The following PCDH15 variants were observed in gnomAD, a reference collection of about 807,000 sequenced individuals.
PCDH15 encodes the protein protocadherin related 15, also known as protocadherin-15.
A neutral mutation model predicts 178.5 loss-of-function variants in PCDH15; 129 were observed. That is an observed-to-expected ratio of 0.72 (90% CI 0.63 to 0.84). The LOEUF is 0.84. Among genes scored for constraint, PCDH15 ranks in the 40% least tolerant of loss-of-function variants. The pLI, the probability that PCDH15 is intolerant of heterozygous loss-of-function variation, is 0.00. For synonymous variants in PCDH15, 800 were observed against 732.0 expected, an observed-to-expected ratio of 1.09 and a Z score of -1.50; for missense variants, 2,230 against 2,099.9, an observed-to-expected ratio of 1.06 and a Z score of -1.21.
intron 28 of PCDH15, among the ~76,000 whole-genome samples, chr10:53,856,932 G>T (rs1399652675): frequency 6.6e-6 from 1 of 151,930 alleles, no homozygotes; most frequent in Non-Finnish European, 1.5e-5. Context: ...GAAAATAATA[G>T]ACACTGAGGG....
At chr10:54,471,883 C>T (rs1399582569) in intron 3 of PCDH15, among the ~76,000 whole-genome samples, 1 of 151,996 alleles carries the variant, frequency 6.6e-6, no homozygotes, top group East Asian at 1.9e-4. Context: ...TTTTAAACAT[C>T]TTTTTTTCAA....
At chr10:54,422,916 T>C (rs1955731771) in intron 3 of PCDH15, among the ~76,000 whole-genome samples, 1 of 152,094 alleles carries the variant, frequency 6.6e-6, no homozygotes, top group Admixed American at 6.6e-5. Context: ...AGAAAACGTA[T>C]TAAGCAGCAA....
chr10:55,445,407 C>A (rs958300639), intron 2 of PCDH15, among the ~76,000 whole-genome samples: 3 of 152,054 alleles, frequency 2.0e-5, no homozygotes, highest in Non-Finnish European at 4.4e-5. Context: ...TCAGTTCAAC[C>A]TTGTTTGTAT....
intron 3 of PCDH15, among the ~76,000 whole-genome samples, chr10:54,882,122 T>A (rs149839866): frequency 2.1e-3 from 321 of 152,184 alleles, no homozygotes; most frequent in African/African-American, 7.2e-3. Context: ...TATTTTAGCA[T>A]GAAACAATAG....
intron 10 of PCDH15, among the ~76,000 whole-genome samples, chr10:54,202,789 G>A (rs1725977122): frequency 7.6e-6 from 1 of 131,518 alleles, no homozygotes; most frequent in African/African-American, 2.8e-5. Context: ...TCCAGCCTGA[G>A]CAACAAGAGC....
chr10:53,849,275 C>CT (rs1314734263), intron 28 of PCDH15, among the ~76,000 whole-genome samples: 9 of 151,546 alleles, frequency 5.9e-5, no homozygotes, highest in East Asian at 5.8e-4. Context: ...AATATGATTT[C>CT]TTTTTTTTAT....
intron 21 of PCDH15, among the ~76,000 whole-genome samples, chr10:53,984,148 C>CTTTTTTTTTTTTTTTTT (rs66540462): frequency 3.1e-5 from 2 of 63,560 alleles, no homozygotes; most frequent in African/African-American, 1.1e-4. Flanking sequence ...TTTTTCTTTT[C>CTTTTTTTTTTTTTTTTT]TTTTTTTTTT....
chr10:54,065,528 G>A (rs1245979164), intron 18 of PCDH15, among the ~76,000 whole-genome samples: 1 of 152,204 alleles, frequency 6.6e-6, no homozygotes, highest in Non-Finnish European at 1.5e-5. Flanking sequence ...CCTTCAGATG[G>A]GATGCTGGAG....
At chr10:55,117,053 TAC>T (rs1371784168) in intron 2 of PCDH15, among the ~76,000 whole-genome samples, 28 of 152,304 alleles carry the variant, frequency 1.8e-4, no homozygotes, top group Admixed American at 1.2e-3. Flanking sequence ...AGCATAAAAA[TAC>T]ACAGTTTTCC....
In PCDH15 at chr10:55,471,623, A is replaced by T. The variant is rs983253107; in HGVS notation, c.-156+156002T>A. Among the ~76,000 whole-genome samples, 6 of 152,284 alleles carry T rather than the reference A, an allele frequency of 3.9e-5. No homozygotes were observed. The East Asian group carries it at 1.2e-3, about 29-fold the overall frequency. On this transcript the variant is annotated intron_variant, in intron 2 of 5. Transcript: ENST00000613346. ...TCCCTGTTGGCTAGTCTGGTCTCGA[A>T]CTCCCAACCTAAAGTGATCCACCTG...
intron 2 of PCDH15, among the ~76,000 whole-genome samples, chr10:54,595,277 T>C (rs2092163956): frequency 6.6e-6 from 1 of 152,102 alleles, no homozygotes; most frequent in African/African-American, 2.4e-5. Context: ...GATCCACAGG[T>C]AATAGCTGGT....
At chr10:54,616,517 T>G (rs1324266261) in intron 2 of PCDH15, among the ~76,000 whole-genome samples, 1 of 152,104 alleles carries the variant, frequency 6.6e-6, no homozygotes, top group East Asian at 1.9e-4. Context: ...TCACAGGATG[T>G]GCTTGTTAAA....
chr10:54,850,791 A>G (rs1411945489), intron 3 of PCDH15, among the ~76,000 whole-genome samples: 1 of 152,184 alleles, frequency 6.6e-6, no homozygotes, highest in African/African-American at 2.4e-5. Context: ...TTATAATGTA[A>G]GTAATTACAT....
chr10:55,371,606 ACT>A (rs139163922), intron 2 of PCDH15, among the ~76,000 whole-genome samples: 5 of 147,166 alleles, frequency 3.4e-5, no homozygotes, highest in Admixed American at 1.4e-4. Flanking sequence ...TTCCCCCATC[ACT>A]CTCTCTCTCT....
intron 2 of PCDH15, among the ~76,000 whole-genome samples, chr10:55,620,489 T>G (rs1843569219): frequency 6.6e-6 from 1 of 152,006 alleles, no homozygotes; most frequent in Non-Finnish European, 1.5e-5. Flanking sequence ...TTTCAGAACC[T>G]TAAAGAGAGC....
chr10:54,398,781 T>A (rs1349264901), intron 3 of PCDH15, among the ~76,000 whole-genome samples: 1 of 152,056 alleles, frequency 6.6e-6, no homozygotes, highest in Non-Finnish European at 1.5e-5. Flanking sequence ...CTAGAAATAA[T>A]CAATAGCCTT....
intron 2 of PCDH15, among the ~76,000 whole-genome samples, chr10:55,523,743 C>A (rs1434830598): frequency 2.0e-5 from 3 of 151,556 alleles, no homozygotes; most frequent in Admixed American, 6.6e-5. Context: ...CGAATCATGA[C>A]AATGCTAATC....
intron 2 of PCDH15, among the ~76,000 whole-genome samples, chr10:54,533,436 A>C (rs964532652): frequency 1.3e-5 from 2 of 152,190 alleles, no homozygotes; most frequent in Non-Finnish European, 2.9e-5. Flanking sequence ...ATTTGGAACA[A>C]GTTATGAAAG....
chr10:55,613,726 G>A (rs1265712339), intron 2 of PCDH15, among the ~76,000 whole-genome samples: 2 of 152,118 alleles, frequency 1.3e-5, no homozygotes, highest in African/African-American at 4.8e-5. Context: ...TCTCTAGAAA[G>A]TCATAGCCTC....
Sources: gnomAD v4.1 joint callset for allele counts (sites outside exome capture counted in the v4.1 genomes callset) on GRCh38, gnomAD v4.1.1 for gene constraint, MANE v1.5 for transcripts, NCBI Gene and HGNC (gene_info 2026-07-23, HGNC 2026-07-21) for gene names.